Variants in KAZN observed in about 807,000 individuals in gnomAD.
KAZN encodes the protein kazrin, periplakin interacting protein.
In KAZN, 40 loss-of-function variants were observed where a neutral mutation model predicts 87.4. The ratio of observed to expected loss-of-function variants is 0.46; its 90% CI spans 0.36 to 0.60. The LOEUF (loss-of-function observed/expected upper bound fraction) is 0.60, where lower values mean the gene tolerates loss of function less well. Among genes scored for constraint, KAZN ranks in the 20% least tolerant of loss-of-function variants. KAZN has a pLI of 0.00. For synonymous variants in KAZN, 466 were observed against 458.3 expected (o/e 1.02, Z -0.22); for missense variants, 898 against 1,073.9 (o/e 0.84, Z 2.29).
chr1:13,934,931 A>G (rs1640663304), intron 1 of KAZN, among the ~76,000 whole-genome samples: 1 of 152,134 alleles, frequency 6.6e-6, no homozygotes, highest in Non-Finnish European at 1.5e-5. Flanking sequence ...ATGAAATTGA[A>G]TTAGCATAAT....
intron 1 of KAZN, among the ~76,000 whole-genome samples, chr1:14,903,821 C>T (rs1656196637): frequency 1.3e-5 from 2 of 152,208 alleles, no homozygotes; most frequent in African/African-American, 4.8e-5. Flanking sequence ...CTAACTCTGG[C>T]AGATGGTGTT....
chr1:14,212,236 G>T (rs1456040438), intron 2 of KAZN, among the ~76,000 whole-genome samples: 1 of 152,142 alleles, frequency 6.6e-6, no homozygotes, highest in African/African-American at 2.4e-5. Flanking sequence ...CTATTATTTG[G>T]AAATTAATGA....
intron 2 of KAZN, among the ~76,000 whole-genome samples, chr1:14,588,583 G>A (rs552017774): frequency 7.9e-5 from 12 of 152,310 alleles, no homozygotes; most frequent in Admixed American, 5.2e-4. Context: ...GCAGGGCTCC[G>A]TTTGCCTGAG....
chr1:13,920,243 CAAA>C (rs56221437), intron 1 of KAZN, among the ~76,000 whole-genome samples: 16 of 71,784 alleles, frequency 2.2e-4, no homozygotes, highest in Admixed American at 3.2e-4. Context: ...GACCCTGTCT[CAAA>C]AAAAAAAAAA....
rs1374546026 is a variant in KAZN at position 15,096,031 on chromosome 1, C to G, written c.1547+1098C>G. Among the ~76,000 whole-genome samples, 1 of 152,122 alleles carries G rather than the reference C, an allele frequency of 6.6e-6. No homozygotes were observed. Among genetic ancestry groups the G allele is most frequent in the African/African-American group, 2.4e-5 (1 of 41,410 alleles). On this transcript the variant is annotated intron_variant, in intron 10 of 14. Transcript: ENST00000376030. This position sits in a 1 kb window ranked among gnomAD's most constrained non-coding sequence, Gnocchi z 4.5. Reference sequence around the variant, plus strand: ...GGGGAGGAGGGCCATGAGGGCAACCCCTGCTGGGCTTTCCTTCCTGAGGGT... The same window carrying G: ...GGGGAGGAGGGCCATGAGGGCAACCGCTGCTGGGCTTTCCTTCCTGAGGGT...
chr1:14,585,175 C>T (rs1675778268), intron 2 of KAZN, among the ~76,000 whole-genome samples: 1 of 152,212 alleles, frequency 6.6e-6, no homozygotes, highest in Non-Finnish European at 1.5e-5. Flanking sequence ...GCCTCTAGAA[C>T]TCTGAGGAAA....
At chr1:14,124,552 G>A (rs150993751) in intron 1 of KAZN, among the ~76,000 whole-genome samples, 103 of 152,328 alleles carry the variant, frequency 6.8e-4, no homozygotes, top group African/African-American at 2.2e-3. Flanking sequence ...ATAGACAATG[G>A]TGAAACCCAC....
intron 2 of KAZN, among the ~76,000 whole-genome samples, chr1:14,401,729 A>T (rs981823230): frequency 6.6e-6 from 1 of 152,170 alleles, no homozygotes; most frequent in African/African-American, 2.4e-5. Context: ...AAATCTATCA[A>T]TATAATTCAT....
chr1:14,569,099 T>C (rs1460651527), intron 2 of KAZN, among the ~76,000 whole-genome samples: 3 of 152,328 alleles, frequency 2.0e-5, no homozygotes, highest in African/African-American at 7.2e-5. Flanking sequence ...ACAGCTCCCA[T>C]GTTTTTCCTA....
intron 3 of KAZN, among the ~76,000 whole-genome samples, chr1:15,035,444 TGG>T (rs1672165959): frequency 6.6e-6 from 1 of 152,132 alleles, no homozygotes; most frequent in Admixed American, 6.5e-5. Flanking sequence ...TTGGGCTCTG[TGG>T]GGTGAATAGG....
intron 2 of KAZN, among the ~76,000 whole-genome samples, chr1:14,573,550 G>A (rs1345001784): frequency 6.6e-6 from 1 of 152,168 alleles, no homozygotes; most frequent in Non-Finnish European, 1.5e-5. Flanking sequence ...GAGAAGCTGA[G>A]GCAGAAGAAT....
chr1:14,619,455 C>A (rs1057341556), intron 1 of KAZN, among the ~76,000 whole-genome samples: 1 of 152,172 alleles, frequency 6.6e-6, no homozygotes, highest in Non-Finnish European at 1.5e-5. Flanking sequence ...CCCACCTCAG[C>A]CCCCAAAGCA....
At chr1:14,359,670 G>C (rs1042015598) in intron 2 of KAZN, among the ~76,000 whole-genome samples, 2 of 152,122 alleles carry the variant, frequency 1.3e-5, no homozygotes, top group African/African-American at 2.4e-5. Context: ...GTCTGTAAAG[G>C]ATTTTATTTC....
intron 1 of KAZN, among the ~76,000 whole-genome samples, chr1:14,805,522 G>T (rs951104828): frequency 6.6e-6 from 1 of 152,148 alleles, no homozygotes; most frequent in African/African-American, 2.4e-5. Flanking sequence ...ACTTTGGGAG[G>T]CCAAGGCGGG....
chr1:14,522,682 A>G (rs568839236), intron 2 of KAZN, among the ~76,000 whole-genome samples: 84 of 152,360 alleles, frequency 5.5e-4, no homozygotes, highest in African/African-American at 2.0e-3. Context: ...ACAGCAACAC[A>G]ATAGATAATG....
intron 2 of KAZN, among the ~76,000 whole-genome samples, chr1:15,031,553 G>GTGTGTTGTGTTGTGT (rs139569205): frequency 0.19 from 27,209 of 146,202 alleles, 2,707 homozygotes; most frequent in Admixed American, 0.24. Flanking sequence ...GCTACTCAGG[G>GTGTGTTGTGTTGTGT]TGTGTTGTGT....
chr1:14,251,996 C>T (rs1272511330), intron 2 of KAZN, among the ~76,000 whole-genome samples: 1 of 151,880 alleles, frequency 6.6e-6, no homozygotes, highest in East Asian at 1.9e-4. Flanking sequence ...TCTAGATTCT[C>T]CAAATGTTAG....
intron 1 of KAZN, among the ~76,000 whole-genome samples, chr1:14,133,094 C>T (rs921346865): frequency 6.6e-5 from 10 of 152,034 alleles, no homozygotes; most frequent in African/African-American, 1.7e-4. Flanking sequence ...TTTGGCTAGG[C>T]GCAGTGGCTC....
intron 2 of KAZN, among the ~76,000 whole-genome samples, chr1:14,180,920 G>C (rs1266426405): frequency 6.6e-6 from 1 of 152,120 alleles, no homozygotes; most frequent in Admixed American, 6.5e-5. Flanking sequence ...AAAGGCTTTG[G>C]AGTAGAGCAA....
Sources: allele counts gnomAD v4.1 joint callset (sites outside exome capture counted in the v4.1 genomes callset), GRCh38; gene constraint gnomAD v4.1.1; non-coding constraint Gnocchi (gnomAD v3.1); transcripts MANE v1.5; gene names NCBI Gene and HGNC (gene_info 2026-07-23, HGNC 2026-07-21).